GGT5: variants seen among roughly 807,000 people sequenced by gnomAD.
GGT5 encodes gamma-glutamyltransferase 5, also known as glutathione hydrolase 5 proenzyme.
GGT5 carries 50 observed loss-of-function variants against 58.1 expected under a neutral mutation model. The observed-to-expected ratio is 0.86, with a 90% CI of 0.69 to 1.09. The LOEUF (loss-of-function observed/expected upper bound fraction) is 1.09. Among genes scored for constraint, GGT5 ranks in the 50% least tolerant of loss-of-function variants. The pLI, the probability that GGT5 is intolerant of heterozygous loss-of-function variation, is 0.00. For synonymous variants in GGT5, 370 were observed against 346.1 expected, an observed-to-expected ratio of 1.07 and a Z score of -0.77; for missense variants, 800 against 789.4, an observed-to-expected ratio of 1.01 and a Z score of -0.16.
At chr22:24,224,600 A>C (rs185398062) in intron 11 of GGT5, among the ~76,000 whole-genome samples, 2 of 152,308 alleles carry the variant, frequency 1.3e-5, no homozygotes, top group Admixed American at 1.3e-4. Context: ...ACAGACTGTC[A>C]CAGGAAAAAC....
At chr22:24,231,612 T>C (rs1440658629) in intron 5 of GGT5, 82 bp from the exon 6 acceptor site, 1 of 1,369,166 alleles carries the variant, frequency 7.3e-7, no homozygotes, top group Non-Finnish European at 1.0e-6. Context: ...GGTCACACAA[T>C]GGGATTCCAC....
intron 6 of GGT5, 25 bp downstream of exon 6, chr22:24,231,359 C>T (rs1400632128): frequency 2.6e-6 from 4 of 1,516,364 alleles, no homozygotes; most frequent in East Asian, 4.9e-5. Context: ...GGGGTGGGCG[C>T]CAGGGCTCTG....
rs1218894309 is a variant in GGT5, at chr22:24,225,552, AG to A, written c.1329del (p.Ser444HisfsTer3). ...ERCPRGSGTT[P>X]SPVSGDRVGG... ...TGGGAAGCTTTGTTCTCACCAGGTG[AG>A]GGGGTGGTGCCGGAACCCCGGGGGC... On this transcript the variant is annotated frameshift_variant, in exon 9 of 12. Transcript: ENST00000327365. LOFTEE classifies it high-confidence loss of function. The A allele has an allele frequency of 5.0e-6, 8 of 1,607,950 alleles. No individual in the cohort carries two copies. Among genetic ancestry groups the A allele is most frequent in the Non-Finnish European group, 6.8e-6 (8 of 1,174,464 alleles).
chr22:24,221,526 T>C (rs2047589314), intron 11 of GGT5, among the ~76,000 whole-genome samples: 1 of 152,216 alleles, frequency 6.6e-6, no homozygotes, highest in Non-Finnish European at 1.5e-5. Flanking sequence ...TGTGTGTCTG[T>C]TTCTGAGATG....
At chr22:24,221,062 T>C (rs955701116) in intron 11 of GGT5, among the ~76,000 whole-genome samples, 1 of 151,880 alleles carries the variant, frequency 6.6e-6, no homozygotes, top group African/African-American at 2.4e-5. Flanking sequence ...TTTGCAAAAT[T>C]ATGACTGAGA....
chr22:24,233,143 A>G, intron 3 of GGT5, 125 bp from the exon 4 acceptor site: 1 of 711,236 alleles, frequency 1.4e-6, no homozygotes, highest in Non-Finnish European at 2.2e-6. Context: ...ACACCCGACC[A>G]CGTCCCTCCC....
chr22:24,237,852 G>A lies in GGT5; in HGVS notation c.174-3848C>T, dbSNP rs1292963386. The stretch of plus-strand genomic sequence containing the variant: ...GGATCTCCAGATTATGAAATTGGCA[G>A]ACCATGTACTTTAAAATAAGTACTT... On this transcript the variant is annotated intron_variant, in intron 1 of 11. Transcript: ENST00000327365. Among the ~76,000 whole-genome samples, 4 of 152,186 alleles carry A rather than the reference G, an allele frequency of 2.6e-5. No individual in the cohort carries two copies. In the East Asian group the frequency reaches 7.7e-4, roughly 29 times the overall value.
At position 24,232,936 on chromosome 22, in the gene GGT5, C is replaced by CT; in HGVS notation, c.482dup (p.Leu162AlafsTer152). On this transcript the variant is annotated frameshift_variant, in exon 4 of 12. Coordinates refer to ENST00000327365, the MANE Select transcript of GGT5 (RefSeq NM_004121.5). LOFTEE classifies it high-confidence loss of function. The stretch of plus-strand genomic sequence containing the variant: ...GCAGCGCGATGGTGGGCTGGAACAG[C>CT]TGCGCCCAGGGCAGGCGGCCATGGC... 1 of 1,573,030 alleles carries CT rather than the reference C, an allele frequency of 6.4e-7. No individual in the cohort carries two copies. The highest frequency in any genetic ancestry group is 8.6e-7 in the Non-Finnish European group (1 of 1,159,336).
intron 1 of GGT5, among the ~76,000 whole-genome samples, chr22:24,239,329 A>G (rs531767641): frequency 8.6e-5 from 13 of 151,552 alleles, no homozygotes; most frequent in African/African-American, 2.9e-4. Flanking sequence ...ACAGAGCGAG[A>G]CTCTGTCTCA....
intron 6 of GGT5, among the ~76,000 whole-genome samples, chr22:24,228,145 C>T (rs1428675228): frequency 3.3e-5 from 5 of 151,238 alleles, no homozygotes; most frequent in East Asian, 1.9e-4. Flanking sequence ...ACAAGTGCCC[C>T]GTTCTCGGCT....
intron 6 of GGT5, among the ~76,000 whole-genome samples, chr22:24,228,065 A>AC (rs1569358839): frequency 3.4e-5 from 3 of 88,806 alleles, no homozygotes; most frequent in South Asian, 3.1e-4. Flanking sequence ...AAAAAAAAAA[A>AC]ACAAAACAAA....
Position 24,232,183 on chromosome 22 carries a change from G to A in GGT5, c.622C>T (p.Pro208Ser), listed in dbSNP as rs1313343843. Residue 208 changes from proline to serine, a missense_variant, in exon 5 of 12, where the codon CCC (proline) becomes TCC (serine). By Grantham distance (74) the Pro-to-Ser change is moderately conservative. Transcript: ENST00000327365. Reference protein sequence around the residue: ...LRQLFFNGTEPLRPQDPLPWP... With the variant: ...LRQLFFNGTESLRPQDPLPWP... ...GGGAGTGGGTCCTGAGGCCTCAGGG[G>A]TTCTGTCCCGTTGAAGAAGAGCTGG... 3 of 1,511,242 alleles carry A rather than the reference G, an allele frequency of 2.0e-6. No individual in the cohort carries two copies. The highest frequency in any genetic ancestry group is 2.0e-5 in the Admixed American group (1 of 49,048). 93.6% of individuals were successfully genotyped at this position (1,511,242 alleles called of 1,614,324 possible).
In GGT5 at chr22:24,245,012, G is replaced by A; in HGVS notation, c.-287C>T. The A allele has an allele frequency of 2.2e-6, 1 of 449,312 alleles. No individual in the cohort carries two copies. Among genetic ancestry groups the A allele is most frequent in the Non-Finnish European group, 4.0e-6 (1 of 250,026 alleles). The allele number at this position is 449,312 out of a possible 1,614,324, so 27.8% of individuals were successfully genotyped here. A position where few individuals can be genotyped will look rare whatever the true frequency, so the allele number is the denominator to read the frequency against. ...ACAGCGGGCTGCCAGATGGACAGAT[G>A]GGTGAATGGACAGATGGCTGGCAGC... On this transcript the variant is annotated 5_prime_UTR_variant, in exon 1 of 12. Coordinates refer to ENST00000327365, the MANE Select transcript of GGT5 (RefSeq NM_004121.5).
At chr22:24,241,329 G>A (rs574948074) in intron 1 of GGT5, 1 of 152,328 alleles carries the variant, frequency 6.6e-6, no homozygotes, top group African/African-American at 2.4e-5. Context: ...TTTAAAATCT[G>A]TAGGGCAAGC....
chr22:24,240,841 A>C (rs2048307319), intron 1 of GGT5, among the ~76,000 whole-genome samples: 2 of 152,176 alleles, frequency 1.3e-5, no homozygotes, highest in Non-Finnish European at 2.9e-5. Flanking sequence ...TATTAGAGAT[A>C]AGAGACACAT....
At chr22:24,230,138 T>C (rs1428521123) in intron 6 of GGT5, among the ~76,000 whole-genome samples, 1 of 151,322 alleles carries the variant, frequency 6.6e-6, no homozygotes, top group East Asian at 1.9e-4. Context: ...GATGCCGAGG[T>C]GGGCGGATCA....
rs931911731 is a variant in GGT5 at position 24,219,913 on chromosome 22, G to A, written c.*57C>T. On this transcript the variant is annotated 3_prime_UTR_variant, in exon 12 of 12. Coordinates refer to ENST00000327365, the MANE Select transcript of GGT5 (RefSeq NM_004121.5). The stretch of plus-strand genomic sequence containing the variant: ...AGTAGTTGGTCCCCCAGCCATGTCC[G>A]GCCTGGACACAGGACTCATGGTGGG... 6.4e-6 allele frequency: 10 copies of A among 1,570,300 alleles called. No individual in the cohort carries two copies. Among genetic ancestry groups the A allele is most frequent in the African/African-American group, 1.4e-5 (1 of 74,044 alleles).
chr22:24,233,081 C>T (rs1668470287), intron 3 of GGT5, 63 bp from the exon 4 acceptor site: 2 of 1,252,468 alleles, frequency 1.6e-6, no homozygotes, highest in African/African-American at 3.1e-5. Flanking sequence ...TTGCCATCAC[C>T]CCTACATGTG....
At chr22:24,223,314 T>C (rs1408712538) in intron 11 of GGT5, among the ~76,000 whole-genome samples, 1 of 151,884 alleles carries the variant, frequency 6.6e-6, no homozygotes, top group Non-Finnish European at 1.5e-5. Context: ...GGCAGGAGAA[T>C]TGCTTGAACC....
Sources: gnomAD v4.1 joint callset for allele counts (sites outside exome capture counted in the v4.1 genomes callset) on GRCh38, gnomAD v4.1.1 for gene constraint, MANE v1.5 for transcripts, NCBI Gene and HGNC (gene_info 2026-07-23, HGNC 2026-07-21) for gene names.